The following EPHA6 variants were observed in gnomAD, a reference collection of about 807,000 sequenced individuals.
EPHA6 encodes ephrin type-A receptor 6.
In EPHA6, 50 loss-of-function variants were observed where a neutral mutation model predicts 112.0. The ratio of observed to expected loss-of-function variants is 0.45; its 90% CI spans 0.36 to 0.56. EPHA6 has a LOEUF of 0.56. Among genes scored for constraint, EPHA6 ranks in the 20% least tolerant of loss-of-function variants. The probability of loss-of-function intolerance (pLI) is 0.00; values close to 1 mark genes in which losing one functional copy is unlikely to be tolerated. For synonymous variants in EPHA6, 529 were observed against 490.7 expected, an observed-to-expected ratio of 1.08 and a Z score of -1.03; for missense variants, 1,280 against 1,417.4, an observed-to-expected ratio of 0.90 and a Z score of 1.56.
At chr3:97,561,461 C>T (rs1266208787) in intron 11 of EPHA6, among the ~76,000 whole-genome samples, 1 of 152,040 alleles carries the variant, frequency 6.6e-6, no homozygotes, top group African/African-American at 2.4e-5. Flanking sequence ...CCACAACATT[C>T]CCTTAAGCCA....
At chr3:97,620,788 A>C (rs71311328) in intron 13 of EPHA6, among the ~76,000 whole-genome samples, 1 of 152,072 alleles carries the variant, frequency 6.6e-6, no homozygotes, top group Admixed American at 6.6e-5. Flanking sequence ...GTGGTGGAGA[A>C]AAAGCAATGG....
At chr3:97,450,716 A>G (rs1280720276) in intron 7 of EPHA6, among the ~76,000 whole-genome samples, 1 of 152,116 alleles carries the variant, frequency 6.6e-6, no homozygotes, top group Admixed American at 6.6e-5. Flanking sequence ...TTCAACCGAC[A>G]TGTATAGAAT....
chr3:97,011,486 A>G (rs375922075), intron 3 of EPHA6, among the ~76,000 whole-genome samples: 3 of 152,262 alleles, frequency 2.0e-5, no homozygotes, highest in East Asian at 1.9e-4. Flanking sequence ...CAAGGGAGGG[A>G]TTATCTTTAG....
chr3:97,378,406 A>T (rs2085506925), intron 5 of EPHA6, among the ~76,000 whole-genome samples: 2 of 152,190 alleles, frequency 1.3e-5, no homozygotes, highest in South Asian at 4.1e-4. Flanking sequence ...TGCGAAAGGG[A>T]AATGTGGGGT....
chr3:97,646,426 A>G (rs2094064152), intron 14 of EPHA6: 1 of 778,406 alleles, frequency 1.3e-6, no homozygotes, highest in African/African-American at 1.8e-5. Flanking sequence ...CCTAAATATA[A>G]GTAGAAATTC....
intron 3 of EPHA6, among the ~76,000 whole-genome samples, chr3:97,149,650 G>A (rs1432913893): frequency 6.6e-6 from 1 of 151,730 alleles, no homozygotes; most frequent in Non-Finnish European, 1.5e-5. Flanking sequence ...AAAATTGCAT[G>A]TGAAAAAACT....
chr3:97,633,735 A>C (rs2093923105), intron 13 of EPHA6, among the ~76,000 whole-genome samples: 1 of 152,142 alleles, frequency 6.6e-6, no homozygotes. Flanking sequence ...TTTATTAACC[A>C]TCTACCATAT....
intron 2 of EPHA6, among the ~76,000 whole-genome samples, chr3:96,983,676 A>C (rs1020073422): frequency 6.6e-6 from 1 of 152,160 alleles, no homozygotes; most frequent in Non-Finnish European, 1.5e-5. Context: ...TCTCCCCATC[A>C]CTTTCAGGTA....
intron 11 of EPHA6, chr3:97,572,843 T>G (rs1200458821): frequency 6.6e-6 from 1 of 152,172 alleles, no homozygotes; most frequent in Non-Finnish European, 1.5e-5. Flanking sequence ...TTGTTATAAT[T>G]TTTTCATTCT....
At chr3:97,433,703 G>A (rs2089652926) in intron 6 of EPHA6, among the ~76,000 whole-genome samples, 1 of 152,138 alleles carries the variant, frequency 6.6e-6, no homozygotes, top group Non-Finnish European at 1.5e-5. Context: ...GACAAAGTCA[G>A]GTGGATGACC....
At chr3:97,209,630 T>C (rs1007547846) in intron 3 of EPHA6, among the ~76,000 whole-genome samples, 7 of 152,218 alleles carry the variant, frequency 4.6e-5, no homozygotes, top group Non-Finnish European at 1.0e-4. Flanking sequence ...GTAAAAATTG[T>C]ATAGTTATAA....
At chr3:97,516,341 T>A (rs576735162) in intron 10 of EPHA6, among the ~76,000 whole-genome samples, 2 of 152,314 alleles carry the variant, frequency 1.3e-5, no homozygotes, top group East Asian at 3.9e-4. Flanking sequence ...TTGTTAAGCA[T>A]GAGAAATCTT....
chr3:97,352,607 T>G (rs1027505460), intron 5 of EPHA6, among the ~76,000 whole-genome samples: 3 of 152,126 alleles, frequency 2.0e-5, no homozygotes, highest in African/African-American at 7.2e-5. Flanking sequence ...AGATCAGCCC[T>G]AGCTAGAGGG....
chr3:96,948,245 A>G (rs1429460363), intron 2 of EPHA6, among the ~76,000 whole-genome samples: 2 of 152,146 alleles, frequency 1.3e-5, no homozygotes, highest in African/African-American at 4.8e-5. Flanking sequence ...TTGTTTTCAT[A>G]TATACTTTAT....
chr3:97,449,730 G>A (rs1015539401), intron 7 of EPHA6, among the ~76,000 whole-genome samples: 7 of 152,134 alleles, frequency 4.6e-5, no homozygotes, highest in Middle Eastern at 3.4e-3. Flanking sequence ...AAATGGAAGC[G>A]TGTTTTATTG....
intron 11 of EPHA6, among the ~76,000 whole-genome samples, chr3:97,581,840 A>G (rs2093441467): frequency 6.6e-6 from 1 of 152,224 alleles, no homozygotes; most frequent in Non-Finnish European, 1.5e-5. Context: ...AGACAAATAA[A>G]AAGCCTCTTA....
At position 97,511,986 on chromosome 3, in the gene EPHA6, G is replaced by A. The variant is rs187336779; in HGVS notation, c.2201-20372G>A. 2.0e-3 allele frequency among the ~76,000 whole-genome samples: 297 copies of A among 151,822 alleles called. 2 individuals carry two copies. Among genetic ancestry groups the A allele is most frequent in the African/African-American group, 6.7e-3 (279 of 41,408 alleles). On this transcript the variant is annotated intron_variant, in intron 10 of 17. Transcript: ENST00000389672. ...ATAATAATAGTTCAAGATATACATC[G>A]CAATCTAGGACTAGGTGAAACACAA...
intron 1 of EPHA6, among the ~76,000 whole-genome samples, chr3:96,861,786 A>T (rs2036022552): frequency 6.6e-6 from 1 of 152,018 alleles, no homozygotes; most frequent in African/African-American, 2.4e-5. Flanking sequence ...TAAACAAATA[A>T]TTGATCTCAG....
chr3:97,372,307 A>C (rs530117712), intron 5 of EPHA6, among the ~76,000 whole-genome samples: 1 of 152,210 alleles, frequency 6.6e-6, no homozygotes, highest in East Asian at 1.9e-4. Flanking sequence ...AAAGGACCCA[A>C]GTGAAATGTT....
Sources: gnomAD v4.1 joint callset for allele counts (sites outside exome capture counted in the v4.1 genomes callset) on GRCh38, gnomAD v4.1.1 for gene constraint, MANE v1.5 for transcripts, NCBI Gene and HGNC (gene_info 2026-07-23, HGNC 2026-07-21) for gene names.